HAVCR1: variants seen among roughly 807,000 people sequenced by gnomAD.
HAVCR1 encodes T cell immunoglobin domain and mucin domain protein 1.
In HAVCR1, 34 loss-of-function variants were observed where a neutral mutation model predicts 32.0. The ratio of observed to expected loss-of-function variants is 1.06; its 90% CI spans 0.81 to 1.42. The LOEUF (loss-of-function observed/expected upper bound fraction) is 1.42, where lower values mean the gene tolerates loss of function less well. HAVCR1 is among the 40% of genes most tolerant of loss of function. The pLI, the probability that HAVCR1 is intolerant of heterozygous loss-of-function variation, is 0.00. For missense variants in HAVCR1, 420 were observed against 442.3 expected (o/e 0.95, Z 0.45); for synonymous variants, 178 against 170.3 (o/e 1.05, Z -0.35).
intron 7 of HAVCR1, among the ~76,000 whole-genome samples, chr5:157,033,810 C>G (rs1300857437): frequency 6.6e-6 from 1 of 152,208 alleles, no homozygotes; most frequent in Non-Finnish European, 1.5e-5. Flanking sequence ...TGCCTGCAAT[C>G]CCAACACTTT....
Position 157,055,310 on chromosome 5 carries a change from C to A in HAVCR1, c.270G>T (p.Leu90Phe). The stretch of plus-strand genomic sequence containing the variant: ...CAGACACAGCTGTATTTTCTATGGT[C>A]AAAGAGACATCCCTTCTTGAAAGGT... The part of the protein sequence containing the change: ...LGDLSRRDVS[L>F]TIENTAVSDS... Residue 90 changes from leucine to phenylalanine, a missense_variant, in exon 3 of 9, where the codon TTG (leucine) becomes TTT (phenylalanine). Transcript: ENST00000523175. 6.2e-7 allele frequency: 1 copy of A among 1,613,200 alleles called. No individual in the cohort carries two copies.
Position 157,037,252 on chromosome 5 carries a change from GCAATGATGA to G in HAVCR1, c.938_946del (p.Val313_Ile315del). The stretch of plus-strand genomic sequence containing the variant: ...ACAATCTCGAAATGACTTACTTTTG[GCAATGATGA>G]CACCCAAAAGAGCAAGAAGCACCAA... On this transcript the variant is annotated inframe_deletion, in exon 7 of 9. Transcript: ENST00000523175. The G allele has an allele frequency of 6.5e-7, 1 of 1,530,028 alleles. No homozygotes were observed. The highest frequency in any genetic ancestry group is 9.1e-7 in the Non-Finnish European group (1 of 1,103,412). 94.8% of individuals were successfully genotyped at this position (1,530,028 alleles called of 1,614,324 possible).
At chr5:157,054,146 C>T (rs547770924) in intron 3 of HAVCR1, among the ~76,000 whole-genome samples, 5 of 148,248 alleles carry the variant, frequency 3.4e-5, no homozygotes, top group South Asian at 2.2e-4. Flanking sequence ...ATCACACCAC[C>T]GCACTCCAGC....
At chr5:157,057,867 T>C (rs201144082) in intron 2 of HAVCR1, 31 bp downstream of exon 2, 86 of 1,553,686 alleles carry the variant, frequency 5.5e-5, no homozygotes, top group Middle Eastern at 5.1e-4. Context: ...CTCTACTCCC[T>C]TCTTCCCGCC....
chr5:157,033,837 C>A (rs556820785), intron 7 of HAVCR1, among the ~76,000 whole-genome samples: 16 of 152,144 alleles, frequency 1.1e-4, no homozygotes, highest in Admixed American at 2.0e-4. Flanking sequence ...CAGAGGCAGG[C>A]GGTCAGGAGT....
chr5:157,058,283 GC>G (rs1192513504), intron 1 of HAVCR1: 2 of 214,008 alleles, frequency 9.3e-6, no homozygotes, highest in African/African-American at 4.6e-5. Context: ...AGGAAACAGG[GC>G]CGGGCGCGGT....
upstream of HAVCR1, among the ~76,000 whole-genome samples, chr5:157,060,018 T>A (rs181302738): frequency 6.6e-6 from 1 of 152,118 alleles, no homozygotes; most frequent in African/African-American, 2.4e-5. Context: ...CTAATTCAAT[T>A]CAACCAGTTA....
intron 7 of HAVCR1, among the ~76,000 whole-genome samples, chr5:157,034,929 A>G (rs1461988637): frequency 6.6e-6 from 1 of 152,070 alleles, no homozygotes; most frequent in Admixed American, 6.6e-5. Flanking sequence ...GGAGTTCCTT[A>G]TGTCTTCTTC....
chr5:157,062,933 A>C (rs1028081126), upstream of HAVCR1, among the ~76,000 whole-genome samples: 18 of 152,154 alleles, frequency 1.2e-4, no homozygotes, highest in Admixed American at 2.0e-4. Flanking sequence ...CAGCCTGGCC[A>C]ATATGGCAAA....
chr5:157,057,889 C>A lies in HAVCR1; in HGVS notation c.46+9G>T, dbSNP rs761864086. The A allele has an allele frequency of 2.5e-6, 4 of 1,610,140 alleles. No homozygotes were observed. The African/African-American group carries it at 4.0e-5, about 16-fold the overall frequency. On this transcript the variant is annotated intron_variant, in intron 2 of 8. Coordinates refer to ENST00000523175, the MANE Select transcript of HAVCR1 (RefSeq NM_001173393.3). ...CCCTTCTTCCCGCCCAGGGCACCTA[C>A]TCACTTACCTGCCAGATGTAGGATG...
In HAVCR1 at chr5:157,052,610, T is replaced by G. The variant is rs772835478; in HGVS notation, c.424A>C (p.Thr142Pro). 6.2e-7 allele frequency: 1 copy of G among 1,613,998 alleles called. No homozygotes were observed. The highest frequency in any genetic ancestry group is 8.5e-7 in the Non-Finnish European group (1 of 1,179,890). Residue 142 changes from threonine (T) to proline (P), a missense_variant, in exon 4 of 9, where the codon ACG becomes CCG. Coordinates refer to ENST00000523175, the MANE Select transcript of HAVCR1 (RefSeq NM_001173393.3). ...TPIVTTVPTV[T>P]TVRTSTTVPT... ...ACAGTGGTGCTCGTTCGAACAGTCGTGACGGTTGGAACAGTTGTGACAATT... is the reference window on the plus strand; with the variant it reads ...ACAGTGGTGCTCGTTCGAACAGTCGGGACGGTTGGAACAGTTGTGACAATT...
chr5:157,034,540 T>C (rs538908655), intron 7 of HAVCR1, among the ~76,000 whole-genome samples: 6 of 151,456 alleles, frequency 4.0e-5, no homozygotes, highest in African/African-American at 1.5e-4. Context: ...GGCCTTCCTC[T>C]TTCACTAATC....
At chr5:157,030,701 T>G (rs1324898252) in intron 8 of HAVCR1, among the ~76,000 whole-genome samples, 1 of 152,212 alleles carries the variant, frequency 6.6e-6, no homozygotes, top group Admixed American at 6.5e-5. Context: ...GAAAGTAGAC[T>G]TAGTTTTAAC....
rs1487393718 is a variant in HAVCR1 at position 157,029,867 on chromosome 5, AC to A, written c.987-27del. ...CTGTAGAAAGAGTTGTTGAAGAATA[AC>A]ATGAGTAAGAAAAAAAGCAGACCAC... On this transcript the variant is annotated intron_variant, in intron 8 of 8. Coordinates refer to ENST00000523175, the MANE Select transcript of HAVCR1 (RefSeq NM_001173393.3). 1.9e-6 allele frequency: 3 copies of A among 1,600,016 alleles called. No individual in the cohort carries two copies. In the Admixed American group the frequency reaches 5.1e-5, roughly 27 times the overall value.
chr5:157,057,779 A>T (rs1190644744), intron 2 of HAVCR1, 119 bp downstream of exon 2: 2 of 756,484 alleles, frequency 2.6e-6, no homozygotes, highest in Non-Finnish European at 4.7e-6. Context: ...ATACAACGGT[A>T]CCCAAAGAAC....
intron 3 of HAVCR1, among the ~76,000 whole-genome samples, chr5:157,053,160 G>A (rs560737934): frequency 1.3e-5 from 2 of 152,130 alleles, no homozygotes; most frequent in South Asian, 4.2e-4. Flanking sequence ...GCCAAGGTGG[G>A]TGGACTACTT....
At position 157,055,475 on chromosome 5, in the gene HAVCR1, G is replaced by A. The variant is rs769107283; in HGVS notation, c.105C>T (p.Pro35=). 1.3e-5 allele frequency: 21 copies of A among 1,608,798 alleles called. 1 individual carries two copies. In the South Asian group the frequency reaches 2.0e-4, roughly 15 times the overall value. Residue 35 remains proline (P), a synonymous_variant, in exon 3 of 9, where the codon CCC becomes CCT. Coordinates refer to ENST00000523175, the MANE Select transcript of HAVCR1 (RefSeq NM_001173393.3). ...GGEAGPSVTL[P]CHYSGAVTSM... ...ATGTGACAGCTCCACTGTAGTGGCA[G>A]GGTAGTGTGACAGATGGACCTGCCT...
intron 8 of HAVCR1, among the ~76,000 whole-genome samples, chr5:157,031,741 A>C (rs964435447): frequency 1.3e-5 from 2 of 150,916 alleles, no homozygotes; most frequent in Non-Finnish European, 2.9e-5. Flanking sequence ...AATTGCTTGA[A>C]TCCAGGAGGT....
chr5:157,057,602 T>C (rs1226284979), intron 2 of HAVCR1, among the ~76,000 whole-genome samples: 1 of 152,154 alleles, frequency 6.6e-6, no homozygotes, highest in Non-Finnish European at 1.5e-5. Context: ...TCTATGCATA[T>C]ACATCTAACC....
Sources: allele counts gnomAD v4.1 joint callset (sites outside exome capture counted in the v4.1 genomes callset), GRCh38; gene constraint gnomAD v4.1.1; transcripts MANE v1.5; gene names NCBI Gene and HGNC (gene_info 2026-07-23, HGNC 2026-07-21).